ITFG1: variants seen among roughly 807,000 people sequenced by gnomAD.
ITFG1 encodes T-cell immunomodulatory protein.
A neutral mutation model predicts 81.8 loss-of-function variants in ITFG1; 34 were observed. The ratio of observed to expected loss-of-function variants is 0.42; its 90% CI spans 0.32 to 0.55. The LOEUF (loss-of-function observed/expected upper bound fraction) is 0.55, where lower values mean the gene tolerates loss of function less well. ITFG1 is among the 20% of genes least tolerant of loss of function. The pLI is 0.17. For missense variants in ITFG1, 672 were observed against 755.4 expected (o/e 0.89, Z 1.29); for synonymous variants, 285 against 270.6 (o/e 1.05, Z -0.52).
At chr16:47,290,008 T>C (rs1596864135) in intron 10 of ITFG1, among the ~76,000 whole-genome samples, 3 of 152,270 alleles carry the variant, frequency 2.0e-5, no homozygotes, top group Admixed American at 2.0e-4. Flanking sequence ...CAGGTTTCGG[T>C]ATGCTGTTTT....
intron 6 of ITFG1, among the ~76,000 whole-genome samples, chr16:47,378,176 G>T (rs1968350700): frequency 6.6e-6 from 1 of 152,138 alleles, no homozygotes; most frequent in Non-Finnish European, 1.5e-5. Flanking sequence ...CTATTTGAAA[G>T]AACTAAAACT....
intron 14 of ITFG1, among the ~76,000 whole-genome samples, chr16:47,208,550 G>A (rs780441314): frequency 5.8e-4 from 88 of 152,106 alleles, no homozygotes; most frequent in Non-Finnish European, 1.2e-3. Context: ...ACATTGATGG[G>A]CACCAGTCCT....
rs1214999361 is a variant in ITFG1, at chr16:47,452,725, A to G, written c.485+8T>C. ...AAATCGTTTCAAAGGAAGCAAGCCCATACTTACTCCATAATTAGTGGCTCA... is the reference window on the plus strand; with the variant it reads ...AAATCGTTTCAAAGGAAGCAAGCCCGTACTTACTCCATAATTAGTGGCTCA... On this transcript the variant is annotated splice_region_variant and intron_variant, in intron 4 of 17. Coordinates refer to ENST00000320640, the MANE Select transcript of ITFG1 (RefSeq NM_030790.5). The G allele has an allele frequency of 4.5e-6, 7 of 1,569,124 alleles. No homozygotes were observed. Among genetic ancestry groups the G allele is most frequent in the Non-Finnish European group, 6.1e-6 (7 of 1,148,520 alleles).
intron 5 of ITFG1, among the ~76,000 whole-genome samples, chr16:47,438,281 GAC>G (rs1308501128): frequency 6.6e-6 from 1 of 152,234 alleles, no homozygotes; most frequent in Admixed American, 6.5e-5. Context: ...ACAAACAAAA[GAC>G]AGCAATAACC....
At chr16:47,352,233 C>G (rs1325570988) in intron 8 of ITFG1, among the ~76,000 whole-genome samples, 4 of 152,190 alleles carry the variant, frequency 2.6e-5, no homozygotes, top group Admixed American at 6.5e-5. Flanking sequence ...TAAAGAGCTT[C>G]TGCACAGCAA....
intron 10 of ITFG1, among the ~76,000 whole-genome samples, chr16:47,287,068 T>A (rs1046955313): frequency 6.6e-6 from 1 of 152,154 alleles, no homozygotes; most frequent in African/African-American, 2.4e-5. Flanking sequence ...GCTGCATTTG[T>A]AAGATAAAGC....
rs138443720 is a variant in ITFG1, at chr16:47,434,615, T to G, written c.561-5717A>C. On this transcript the variant is annotated intron_variant, in intron 5 of 17. Coordinates refer to ENST00000320640, the MANE Select transcript of ITFG1 (RefSeq NM_030790.5). ...CACTGTTGGTGGGAGTGTAAGTTAG[T>G]TCAATCATTGTAGAAGACAGTGTGG... Among the ~76,000 whole-genome samples, 1,052 of 152,264 alleles carry G rather than the reference T, an allele frequency of 6.9e-3. 14 individuals carry two copies. Among genetic ancestry groups the G allele is most frequent in the African/African-American group, 0.024 (1,008 of 41,550 alleles).
chr16:47,304,541 G>A (rs949231217), intron 10 of ITFG1, among the ~76,000 whole-genome samples: 3 of 152,170 alleles, frequency 2.0e-5, no homozygotes, highest in African/African-American at 7.2e-5. Flanking sequence ...CACAATGCAC[G>A]CTGACCTGAA....
chr16:47,206,058 G>T (rs1965495727), intron 14 of ITFG1, among the ~76,000 whole-genome samples: 2 of 151,732 alleles, frequency 1.3e-5, no homozygotes, highest in Admixed American at 1.3e-4. Context: ...TGGAGATGGG[G>T]TTTCACCACG....
chr16:47,244,198 A>G (rs566042886), intron 12 of ITFG1, among the ~76,000 whole-genome samples: 7 of 152,346 alleles, frequency 4.6e-5, no homozygotes, highest in South Asian at 4.1e-4. Context: ...ACCTTTTATA[A>G]TAAGCAGGTA....
rs375155064 is a variant in ITFG1, at chr16:47,310,240, T to C, written c.1070+1000A>G. 8.5e-5 allele frequency among the ~76,000 whole-genome samples: 13 copies of C among 152,324 alleles called. No individual in the cohort carries two copies. The East Asian group carries it at 9.6e-4, about 11-fold the overall frequency. On this transcript the variant is annotated intron_variant, in intron 10 of 17. Transcript: ENST00000320640. The stretch of plus-strand genomic sequence containing the variant: ...CTAATGATAAATATTTCTCTAAATA[T>C]CAGATTTCAGGACAACACTGTTTGG...
intron 9 of ITFG1, 93 bp downstream of exon 9, chr16:47,313,636 T>G (rs1185200083): frequency 1.8e-6 from 1 of 547,034 alleles, no homozygotes; most frequent in Non-Finnish European, 3.2e-6. Flanking sequence ...GGGTTCCCTC[T>G]GTTCTGATTC....
intron 8 of ITFG1, among the ~76,000 whole-genome samples, chr16:47,352,133 G>A (rs937741904): frequency 2.6e-5 from 4 of 152,154 alleles, no homozygotes; most frequent in East Asian, 1.9e-4. Flanking sequence ...AATACCATTC[G>A]GGACATTGGC....
chr16:47,300,944 T>C (rs1353489132), intron 10 of ITFG1, among the ~76,000 whole-genome samples: 2 of 152,210 alleles, frequency 1.3e-5, no homozygotes, highest in Non-Finnish European at 2.9e-5. Context: ...AAGTGAGTGA[T>C]CTTAGATAAA....
chr16:47,327,809 A>G (rs1967574007), intron 8 of ITFG1, among the ~76,000 whole-genome samples: 1 of 152,210 alleles, frequency 6.6e-6, no homozygotes, highest in African/African-American at 2.4e-5. Flanking sequence ...GGCAATCATT[A>G]AAAAGTCAGG....
intron 6 of ITFG1, among the ~76,000 whole-genome samples, chr16:47,413,675 AAC>A (rs1968838249): frequency 6.6e-6 from 1 of 152,168 alleles, no homozygotes; most frequent in African/African-American, 2.4e-5. Flanking sequence ...TAGCCTGGGC[AAC>A]AGAGCAAGAC....
At chr16:47,324,200 G>T (rs946767059) in intron 8 of ITFG1, among the ~76,000 whole-genome samples, 5 of 151,940 alleles carry the variant, frequency 3.3e-5, no homozygotes, top group East Asian at 1.9e-4. Context: ...TTAAAGAAAA[G>T]AATTTTCAAC....
intron 14 of ITFG1, among the ~76,000 whole-genome samples, chr16:47,203,347 C>T (rs1042493563): frequency 3.9e-5 from 6 of 152,158 alleles, no homozygotes; most frequent in African/African-American, 9.7e-5. Context: ...AATTTTTCCA[C>T]GGACCAGGGG....
intron 2 of ITFG1, among the ~76,000 whole-genome samples, chr16:47,455,489 G>A (rs528897288): frequency 4.6e-5 from 7 of 151,822 alleles, no homozygotes; most frequent in East Asian, 1.9e-4. Context: ...CTGGCTGGGC[G>A]CGGTGGTTCA....
Sources: gnomAD v4.1 joint callset for allele counts (sites outside exome capture counted in the v4.1 genomes callset) on GRCh38, gnomAD v4.1.1 for gene constraint, MANE v1.5 for transcripts, NCBI Gene and HGNC (gene_info 2026-07-23, HGNC 2026-07-21) for gene names.